The following CREB5 variants were observed in gnomAD, a reference collection of about 807,000 sequenced individuals.
CREB5 encodes cAMP responsive element binding protein 5.
CREB5 carries 19 observed loss-of-function variants against 57.1 expected under a neutral mutation model. That is an observed-to-expected ratio of 0.33 (90% CI 0.23 to 0.49). The LOEUF is 0.49. CREB5 is among the 20% of genes least tolerant of loss of function. The pLI is 0.99. For synonymous variants in CREB5, 238 were observed against 238.3 expected (o/e 1.00, Z 0.01); for missense variants, 579 against 671.6 (o/e 0.86, Z 1.52).
intron 7 of CREB5, among the ~76,000 whole-genome samples, chr7:28,784,326 A>G (rs532130798): frequency 7.6e-4 from 103 of 135,234 alleles, no homozygotes; most frequent in African/African-American, 3.1e-3. Flanking sequence ...CAGCTAATTG[A>G]ATTAATAAAC....
At chr7:28,790,244 C>T (rs762310978) in intron 7 of CREB5, among the ~76,000 whole-genome samples, 14 of 152,112 alleles carry the variant, frequency 9.2e-5, no homozygotes, top group Non-Finnish European at 1.8e-4. Context: ...AAAAAATAGT[C>T]CTACTCATAG....
rs535245621 is a variant in CREB5, at chr7:28,351,536, C to A, written c.-25+52095C>A. On this transcript the variant is annotated intron_variant, in intron 1 of 9. Coordinates refer to the CREB5 transcript ENST00000396299. ...TCCTTTCTTCCCATCTATTAATGAGCATGAACTACATCCTGGCCTTTAATC... is the reference window on the plus strand; with the variant it reads ...TCCTTTCTTCCCATCTATTAATGAGAATGAACTACATCCTGGCCTTTAATC... 1.7e-4 allele frequency among the ~76,000 whole-genome samples: 26 copies of A among 152,288 alleles called. 1 individual carries two copies. The South Asian group carries it at 5.4e-3, about 32-fold the overall frequency.
intron 2 of CREB5, among the ~76,000 whole-genome samples, 157 bp downstream of exon 2, chr7:28,488,403 T>C (rs1205392027): frequency 6.6e-6 from 1 of 152,242 alleles, no homozygotes; most frequent in African/African-American, 2.4e-5. Flanking sequence ...ATCATCATTT[T>C]CATCGCCATC....
chr7:28,709,430 G>A (rs559417858), intron 5 of CREB5, among the ~76,000 whole-genome samples: 16 of 152,168 alleles, frequency 1.1e-4, no homozygotes, highest in African/African-American at 2.4e-4. Context: ...GATTAATGGT[G>A]CAGAAATCAG....
chr7:28,601,967 A>G lies in CREB5; in HGVS notation c.464+31430A>G, dbSNP rs1409438083. 3.3e-5 allele frequency among the ~76,000 whole-genome samples: 5 copies of G among 152,184 alleles called. No homozygotes were observed. The East Asian group carries it at 9.6e-4, about 29-fold the overall frequency. ...TACAATAAGATTAAGACATATTCTT[A>G]GGAACTTCACATGAAAGACATAAAG... On this transcript the variant is annotated intron_variant, in intron 5 of 10. Coordinates refer to ENST00000357727, the MANE Select transcript of CREB5 (RefSeq NM_182898.4).
intron 5 of CREB5, among the ~76,000 whole-genome samples, chr7:28,616,216 A>G (rs1797591219): frequency 6.6e-6 from 1 of 152,146 alleles, no homozygotes; most frequent in African/African-American, 2.4e-5. Context: ...GCACATTTCT[A>G]TTAGGAGGCA....
intron 1 of CREB5, among the ~76,000 whole-genome samples, chr7:28,391,944 AT>A (rs137857509): frequency 0.015 from 2,250 of 152,166 alleles, 60 homozygotes; most frequent in African/African-American, 0.051. Context: ...GCCAAAGGGA[AT>A]TTTTTCACAA....
intron 7 of CREB5, among the ~76,000 whole-genome samples, chr7:28,735,248 A>G (rs1185866140): frequency 1.3e-5 from 2 of 152,208 alleles, no homozygotes; most frequent in African/African-American, 4.8e-5. Flanking sequence ...GTGATACAAA[A>G]ATATTGGCTT....
At chr7:28,443,041 A>G (rs1315530726) in intron 1 of CREB5, among the ~76,000 whole-genome samples, 1 of 152,222 alleles carries the variant, frequency 6.6e-6, no homozygotes, top group African/African-American at 2.4e-5. Flanking sequence ...GAACAACTCT[A>G]TAAGGTAAAG....
chr7:28,690,886 G>T (rs1801214115), intron 5 of CREB5, among the ~76,000 whole-genome samples: 1 of 152,092 alleles, frequency 6.6e-6, no homozygotes. Context: ...GCAGGTTTGA[G>T]ATCACACAAG....
intron 5 of CREB5, among the ~76,000 whole-genome samples, chr7:28,575,604 C>T (rs920137203): frequency 1.1e-4 from 16 of 152,222 alleles, no homozygotes; most frequent in African/African-American, 3.6e-4. Flanking sequence ...CAGCAGGTCC[C>T]GGCTTGTCAC....
intron 1 of CREB5, among the ~76,000 whole-genome samples, chr7:28,485,733 G>A (rs1052802835): frequency 3.9e-5 from 6 of 152,092 alleles, no homozygotes; most frequent in Non-Finnish European, 5.9e-5. Context: ...GCATTTAAAC[G>A]AATTTACTAG....
At chr7:28,353,202 G>A (rs1322917394) in intron 1 of CREB5, among the ~76,000 whole-genome samples, 1 of 152,104 alleles carries the variant, frequency 6.6e-6, no homozygotes, top group Non-Finnish European at 1.5e-5. Flanking sequence ...TGATTGTCCT[G>A]CCTCAGCCTC....
chr7:28,640,937 A>G (rs889442013), intron 5 of CREB5, among the ~76,000 whole-genome samples: 1 of 152,056 alleles, frequency 6.6e-6, no homozygotes, highest in Non-Finnish European at 1.5e-5. Flanking sequence ...ATTGAGTTCT[A>G]TTGTCAAGCA....
chr7:28,621,148 C>CT (rs1316998608), intron 5 of CREB5, among the ~76,000 whole-genome samples: 1 of 136,034 alleles, frequency 7.4e-6, no homozygotes, highest in Non-Finnish European at 1.5e-5. Context: ...TAGAATCAGT[C>CT]ATAAGGTCCA....
intron 1 of CREB5, among the ~76,000 whole-genome samples, chr7:28,340,985 G>A (rs1218727392): frequency 7.9e-5 from 12 of 152,072 alleles, no homozygotes; most frequent in Non-Finnish European, 2.9e-5. Context: ...TGTGCCACAT[G>A]GCTACTGCTG....
At chr7:28,354,491 C>A (rs146442307) in intron 1 of CREB5, among the ~76,000 whole-genome samples, 1 of 152,188 alleles carries the variant, frequency 6.6e-6, no homozygotes, top group South Asian at 2.1e-4. Context: ...CCTCAGCTTG[C>A]AGACGGCGTA....
chr7:28,539,275 A>C (rs955892822), intron 4 of CREB5, among the ~76,000 whole-genome samples: 1 of 152,210 alleles, frequency 6.6e-6, no homozygotes, highest in Non-Finnish European at 1.5e-5. Context: ...TAGTTGATTA[A>C]AATTATGACT....
intron 1 of CREB5, among the ~76,000 whole-genome samples, chr7:28,403,071 T>C (rs955040222): frequency 6.6e-6 from 1 of 152,204 alleles, no homozygotes; most frequent in African/African-American, 2.4e-5. Context: ...CAACCACTGG[T>C]GTAAAAATGC....
Sources: gnomAD v4.1 joint callset for allele counts (sites outside exome capture counted in the v4.1 genomes callset) on GRCh38, gnomAD v4.1.1 for gene constraint, MANE v1.5 for transcripts, NCBI Gene and HGNC (gene_info 2026-07-23, HGNC 2026-07-21) for gene names.